Variants in RBMS3 observed in about 807,000 individuals in gnomAD.
RBMS3 encodes the protein RNA-binding motif, single-stranded-interacting protein 3.
Under a neutral mutation model 66.8 loss-of-function variants are expected in RBMS3, and 27 were observed. The ratio of observed to expected loss-of-function variants is 0.40; its 90% CI spans 0.30 to 0.56. RBMS3 has a LOEUF of 0.56. RBMS3 is among the 20% of genes least tolerant of loss of function. The pLI is 0.40. For synonymous variants in RBMS3, 188 were observed against 183.0 expected (o/e 1.03, Z -0.22); for missense variants, 513 against 549.5 (o/e 0.93, Z 0.66).
intron 3 of RBMS3, among the ~76,000 whole-genome samples, chr3:29,520,637 G>C (rs556788466): frequency 6.6e-6 from 1 of 152,258 alleles, no homozygotes; most frequent in East Asian, 1.9e-4. Context: ...AACACGTAGG[G>C]AGGGTTTTTT....
At chr3:29,727,759 G>A (rs1432512505) in intron 4 of RBMS3, among the ~76,000 whole-genome samples, 1 of 152,124 alleles carries the variant, frequency 6.6e-6, no homozygotes, top group African/African-American at 2.4e-5. Flanking sequence ...ACTGTTGGTG[G>A]GAGTGTAAAT....
At chr3:29,841,390 A>G (rs2058661205) in intron 6 of RBMS3, among the ~76,000 whole-genome samples, 1 of 152,012 alleles carries the variant, frequency 6.6e-6, no homozygotes, top group Non-Finnish European at 1.5e-5. Flanking sequence ...TATTTCAGGA[A>G]TAGTAAAATT....
At chr3:29,570,258 A>G (rs999038634) in intron 3 of RBMS3, among the ~76,000 whole-genome samples, 2 of 152,144 alleles carry the variant, frequency 1.3e-5, no homozygotes, top group Non-Finnish European at 2.9e-5. Flanking sequence ...CAGGCATGTA[A>G]TGCATAATAA....
chr3:29,766,416 G>C (rs1342562908), intron 6 of RBMS3: 1 of 151,844 alleles, frequency 6.6e-6, no homozygotes, highest in Non-Finnish European at 1.5e-5. Flanking sequence ...AATTTGCAAG[G>C]ACATGTAACA....
intron 8 of RBMS3, 21 bp from the exon 9 acceptor site, chr3:29,897,358 C>T: frequency 6.2e-7 from 1 of 1,603,320 alleles, no homozygotes; most frequent in Non-Finnish European, 8.5e-7. Flanking sequence ...GTGAATCTTC[C>T]TTTTTGTTTT....
chr3:29,803,717 GAC>G (rs2057458381), intron 6 of RBMS3, among the ~76,000 whole-genome samples: 3 of 151,784 alleles, frequency 2.0e-5, no homozygotes, highest in East Asian at 1.9e-4. Context: ...GAAATATATA[GAC>G]ACACATACAC....
chr3:29,558,274 G>C (rs2046427156), intron 3 of RBMS3, among the ~76,000 whole-genome samples: 1 of 151,882 alleles, frequency 6.6e-6, no homozygotes, highest in Admixed American at 6.6e-5. Flanking sequence ...TAGATTAACT[G>C]GAACAGAAGT....
At chr3:29,661,983 A>G (rs2050571447) in intron 4 of RBMS3, among the ~76,000 whole-genome samples, 1 of 152,154 alleles carries the variant, frequency 6.6e-6, no homozygotes, top group Admixed American at 6.5e-5. Context: ...GTGCATCCTC[A>G]GTGCACACGT....
At chr3:29,582,391 C>T (rs368874705) in intron 3 of RBMS3, among the ~76,000 whole-genome samples, 17 of 152,296 alleles carry the variant, frequency 1.1e-4, no homozygotes, top group East Asian at 5.8e-4. Context: ...CTCTACTTCC[C>T]GCTAATTGCA....
chr3:29,892,466 C>A (rs559054931), intron 8 of RBMS3, among the ~76,000 whole-genome samples: 21 of 151,544 alleles, frequency 1.4e-4, no homozygotes, highest in South Asian at 2.1e-4. Flanking sequence ...GTAGCTCCCC[C>A]CTCTCCTCCA....
intron 1 of RBMS3, among the ~76,000 whole-genome samples, chr3:29,370,079 G>A (rs1180820817): frequency 3.3e-5 from 5 of 152,094 alleles, no homozygotes; most frequent in African/African-American, 7.2e-5. Context: ...TGGACAGCCC[G>A]GCCTCATGAC....
At chr3:29,600,896 T>C (rs561034431) in intron 4 of RBMS3, among the ~76,000 whole-genome samples, 1 of 152,168 alleles carries the variant, frequency 6.6e-6, no homozygotes, top group South Asian at 2.1e-4. Flanking sequence ...CATTGGTCAC[T>C]ATGTAATGTA....
intron 3 of RBMS3, among the ~76,000 whole-genome samples, chr3:29,497,740 C>T (rs1310153892): frequency 6.6e-6 from 1 of 152,044 alleles, no homozygotes; most frequent in Non-Finnish European, 1.5e-5. Context: ...AGATTATAAA[C>T]TCCCTGGGAC....
At chr3:29,989,748 TTTAA>T (rs1698700271) in intron 13 of RBMS3, among the ~76,000 whole-genome samples, 1 of 152,358 alleles carries the variant, frequency 6.6e-6, no homozygotes, top group African/African-American at 2.4e-5. Context: ...CTTAAACAGT[TTTAA>T]TTGTCTTTTC....
At chr3:29,584,804 C>T (rs2047455153) in intron 3 of RBMS3, among the ~76,000 whole-genome samples, 1 of 152,106 alleles carries the variant, frequency 6.6e-6, no homozygotes, top group South Asian at 2.1e-4. Context: ...TCATTGCCAG[C>T]TGCCTTTCCT....
chr3:29,892,028 T>G (rs1187675705), intron 8 of RBMS3, among the ~76,000 whole-genome samples: 2 of 151,510 alleles, frequency 1.3e-5, no homozygotes, highest in Admixed American at 6.6e-5. Flanking sequence ...TTAATGTTAT[T>G]TTTATTGTCA....
At chr3:29,475,713 G>A (rs146586059) in intron 2 of RBMS3, among the ~76,000 whole-genome samples, 30 of 152,258 alleles carry the variant, frequency 2.0e-4, no homozygotes, top group Non-Finnish European at 4.3e-4. Flanking sequence ...AGGATTATGG[G>A]ATGTGATAGG....
At chr3:29,333,591 G>A (rs977228693) in intron 1 of RBMS3, among the ~76,000 whole-genome samples, 14 of 152,148 alleles carry the variant, frequency 9.2e-5, no homozygotes, top group African/African-American at 3.4e-4. Flanking sequence ...AGGTGATTTA[G>A]TATAGTCCCT....
At chr3:29,990,410 C>G (rs1473703881) in intron 13 of RBMS3, among the ~76,000 whole-genome samples, 6 of 148,220 alleles carry the variant, frequency 4.0e-5, no homozygotes, top group African/African-American at 1.5e-4. Context: ...AAATATATTC[C>G]TGATTGTGAC....
Sources: gnomAD v4.1 joint callset for allele counts (sites outside exome capture counted in the v4.1 genomes callset) on GRCh38, gnomAD v4.1.1 for gene constraint, MANE v1.5 for transcripts, NCBI Gene and HGNC (gene_info 2026-07-23, HGNC 2026-07-21) for gene names.